NFIB: variants seen among roughly 807,000 people sequenced by gnomAD.
The protein encoded by NFIB is nuclear factor 1 B-type.
In NFIB, 11 loss-of-function variants were observed where a neutral mutation model predicts 61.5. The observed-to-expected ratio is 0.18, with a 90% CI of 0.11 to 0.30. The LOEUF (loss-of-function observed/expected upper bound fraction) is 0.30, where lower values mean the gene tolerates loss of function less well. Ranked by LOEUF, NFIB falls within the 10% of genes least tolerant of loss-of-function variation. NFIB has a pLI of 1.00. For synonymous variants in NFIB, 260 were observed against 216.5 expected (o/e 1.20, Z -1.76); for missense variants, 471 against 608.9 (o/e 0.77, Z 2.38).
chr9:14,127,031 G>A lies in NFIB; in HGVS notation c.926-1265C>T, dbSNP rs189805692. 8.7e-4 allele frequency among the ~76,000 whole-genome samples: 133 copies of A among 152,192 alleles called. 1 individual carries two copies. The highest frequency in any genetic ancestry group is 2.7e-3 in the Admixed American group (41 of 15,292). On this transcript the variant is annotated intron_variant, in intron 6 of 10. Coordinates refer to ENST00000380953, the MANE Select transcript of NFIB (RefSeq NM_001190737.2). ...GATAGGAAAAGAATTCAGAGATTTC[G>A]GGCTTCATTCACTCATTCATTTCAT...
At chr9:14,218,199 T>G (rs2051179789) in intron 2 of NFIB, among the ~76,000 whole-genome samples, 1 of 152,252 alleles carries the variant, frequency 6.6e-6, no homozygotes, top group Admixed American at 6.5e-5. Flanking sequence ...AAAAGGCCAG[T>G]TGTACAGGAA....
intron 1 of NFIB, among the ~76,000 whole-genome samples, chr9:14,359,765 G>T (rs1349054935): frequency 6.6e-6 from 1 of 151,984 alleles, no homozygotes; most frequent in Non-Finnish European, 1.5e-5. Flanking sequence ...CTTCTCCCTG[G>T]GGTTGCTGGG....
chr9:14,472,931 T>C, the NFIB span, among the ~76,000 whole-genome samples: 2 of 152,248 alleles, frequency 1.3e-5, no homozygotes, highest in African/African-American at 4.8e-5. Context: ...ACAGACACTT[T>C]GAGAAGCACT....
At chr9:14,507,496 C>A in the NFIB span, among the ~76,000 whole-genome samples, 1 of 152,164 alleles carries the variant, frequency 6.6e-6, no homozygotes, top group South Asian at 2.1e-4. Flanking sequence ...TTCAAGTAAA[C>A]ATGAGAAAAA....
rs371190794 is a variant in NFIB, at chr9:14,332,800, C to T, written c.109-25280G>A. On this transcript the variant is annotated intron_variant, in intron 1 of 8. Coordinates refer to the NFIB transcript ENST00000380934. Reference sequence around the variant, plus strand: ...GATATTCTAGTGTGGAGGAGAGAGACGGATGGGGAGTGGGAGGGGAAAATG... The same window carrying T: ...GATATTCTAGTGTGGAGGAGAGAGATGGATGGGGAGTGGGAGGGGAAAATG... 3.3e-5 allele frequency among the ~76,000 whole-genome samples: 5 copies of T among 152,006 alleles called. No individual in the cohort carries two copies. In the East Asian group the frequency reaches 7.7e-4, roughly 23 times the overall value.
chr9:14,503,087 G>GGT, the NFIB span, among the ~76,000 whole-genome samples: 26 of 112,434 alleles, frequency 2.3e-4, no homozygotes, highest in African/African-American at 1.0e-3. Context: ...AGTATTTTAT[G>GGT]GTATATATAT....
At chr9:14,129,648 A>T (rs1586890793) in intron 6 of NFIB, among the ~76,000 whole-genome samples, 1 of 152,184 alleles carries the variant, frequency 6.6e-6, no homozygotes, top group East Asian at 1.9e-4. Context: ...TGAAGAATGA[A>T]TATATAGAAA....
chr9:14,314,096 CGCGAGCCGACCATGTGT>C lies in NFIB; in HGVS notation c.-602_-586del. The C allele has an allele frequency of 9.7e-7, 1 of 1,033,934 alleles. No homozygotes were observed. Among genetic ancestry groups the C allele is most frequent in the Non-Finnish European group, 1.2e-6 (1 of 860,952 alleles). 64.0% of individuals were successfully genotyped at this position (1,033,934 alleles called of 1,614,324 possible). On this transcript the variant is annotated 5_prime_UTR_variant, in exon 1 of 11. The change abolishes an upstream ATG in the 5' untranslated region. Coordinates refer to ENST00000380953, the MANE Select transcript of NFIB (RefSeq NM_001190737.2). ...GTGGTGATCGCAGGCGAAACTTTGC[CGCGAGCCGACCATGTGT>C]GTGCGCGAGGGGCAGCGTGAGCGAG...
chr9:14,509,275 A>T, the NFIB span, among the ~76,000 whole-genome samples: 1 of 152,184 alleles, frequency 6.6e-6, no homozygotes, highest in Non-Finnish European at 1.5e-5. Context: ...AAGTTTAGGC[A>T]TCTTTGTCAT....
chr9:14,173,502 G>C (rs889940287), intron 3 of NFIB, among the ~76,000 whole-genome samples: 1 of 152,112 alleles, frequency 6.6e-6, no homozygotes, highest in African/African-American at 2.4e-5. Context: ...TTTGGGAAAA[G>C]CAAGGTTCAT....
At chr9:14,298,073 G>T (rs1057234835) in intron 2 of NFIB, among the ~76,000 whole-genome samples, 3 of 152,080 alleles carry the variant, frequency 2.0e-5, no homozygotes, top group Admixed American at 6.6e-5. Flanking sequence ...TTTACTAATG[G>T]TTCTCTACTA....
intron 2 of NFIB, chr9:14,204,100 T>A: frequency 2.6e-6 from 1 of 379,334 alleles, no homozygotes; most frequent in Non-Finnish European, 4.7e-6. Context: ...AAAAAATTAA[T>A]TTGTTTTCTT....
intron 3 of NFIB, among the ~76,000 whole-genome samples, chr9:14,163,351 G>T (rs1160358677): frequency 6.6e-6 from 1 of 151,784 alleles, no homozygotes; most frequent in Non-Finnish European, 1.5e-5. Flanking sequence ...CCCATAAAGG[G>T]AGTTTAGGTC....
intron 2 of NFIB, among the ~76,000 whole-genome samples, chr9:14,302,135 C>T (rs369314726): frequency 6.6e-6 from 1 of 152,136 alleles, no homozygotes. Flanking sequence ...TATTTTTTCC[C>T]ATAATGGGAA....
chr9:14,396,091 T>C (rs1344062859), intron 1 of NFIB, among the ~76,000 whole-genome samples: 2 of 152,186 alleles, frequency 1.3e-5, no homozygotes, highest in African/African-American at 4.8e-5. Context: ...TATATCTATA[T>C]TGATTTATTA....
chr9:14,406,190 G>A, the NFIB span, among the ~76,000 whole-genome samples: 1 of 152,190 alleles, frequency 6.6e-6, no homozygotes, highest in Non-Finnish European at 1.5e-5. Flanking sequence ...TGAGAAAGCA[G>A]ATCTAGGACC....
the NFIB span, among the ~76,000 whole-genome samples, chr9:14,445,276 A>G: frequency 1.3e-5 from 2 of 152,090 alleles, no homozygotes; most frequent in African/African-American, 4.8e-5. Flanking sequence ...AATAGTGATA[A>G]TTTTAATCAT....
At chr9:14,318,505 CTTTTTTT>C (rs34481505), upstream of NFIB, among the ~76,000 whole-genome samples, 5 of 66,844 alleles carry the variant, frequency 7.5e-5, no homozygotes, top group East Asian at 1.0e-3. Flanking sequence ...CACTCGATGC[CTTTTTTT>C]TTTTTTTTTT....
intron 1 of NFIB, among the ~76,000 whole-genome samples, chr9:14,341,267 G>C (rs2060946493): frequency 6.6e-6 from 1 of 152,160 alleles, no homozygotes; most frequent in African/African-American, 2.4e-5. Flanking sequence ...CCCGTGCTTG[G>C]TTGTGCAGGT....
Sources: gnomAD v4.1 joint callset for allele counts (sites outside exome capture counted in the v4.1 genomes callset) on GRCh38, gnomAD v4.1.1 for gene constraint, MANE v1.5 for transcripts, NCBI Gene and HGNC (gene_info 2026-07-23, HGNC 2026-07-21) for gene names.